Variants in SPESP1 observed in about 807,000 individuals in gnomAD.
SPESP1 encodes the protein sperm equatorial segment protein 1.
Under a neutral mutation model 3.1 loss-of-function variants are expected in SPESP1, and 1 was observed. That is an observed-to-expected ratio of 0.33 (90% confidence interval 0.12 to 1.54). The LOEUF (loss-of-function observed/expected upper bound fraction) is 1.54, where lower values mean the gene tolerates loss of function less well. SPESP1 is among the 40% of genes most tolerant of loss of function. SPESP1 has a pLI of 0.38. For missense variants in SPESP1, 398 were observed against 410.1 expected (o/e 0.97, Z 0.26); for synonymous variants, 138 against 150.7 (o/e 0.92, Z 0.62).
chr15:68,946,227 A>G lies in SPESP1; in HGVS notation c.693A>G (p.Leu231=). ...ATGATGACATTTTGAAAAAAATTTTAGATATTAATTCACAAGTGCAACAGG... is the reference window on the plus strand; with the variant it reads ...ATGATGACATTTTGAAAAAAATTTTGGATATTAATTCACAAGTGCAACAGG... ...WNNDDILKKI[L]DINSQVQQAL... is the part of the protein sequence containing the mutation. The change falls in exon 2 of 2, where the codon TTA becomes TTG. Residue 231 remains leucine (L), a synonymous_variant. Coordinates refer to ENST00000310673, the MANE Select transcript of SPESP1 (RefSeq NM_145658.4). 2 of 1,614,160 alleles carry G rather than the reference A, an allele frequency of 1.2e-6. No individual in the cohort carries two copies. Among genetic ancestry groups the G allele is most frequent in the Non-Finnish European group, 1.7e-6 (2 of 1,180,018 alleles).
intron 1 of SPESP1, among the ~76,000 whole-genome samples, chr15:68,943,645 G>T (rs1205308104): frequency 1.3e-5 from 2 of 151,976 alleles, no homozygotes; most frequent in African/African-American, 2.4e-5. Context: ...AGTTTTTGGG[G>T]GTTCATTTTG....
At chr15:68,935,336 C>T (rs1895656057) in intron 1 of SPESP1, among the ~76,000 whole-genome samples, 2 of 152,166 alleles carry the variant, frequency 1.3e-5, no homozygotes, top group African/African-American at 4.8e-5. Flanking sequence ...CTAGACTCAG[C>T]TGGGCAGCTC....
Position 68,945,917 on chromosome 15 carries a change from A to C in SPESP1, c.383A>C (p.Asn128Thr). 1 of 1,614,090 alleles carries C rather than the reference A, an allele frequency of 6.2e-7. No individual in the cohort carries two copies. The highest frequency in any genetic ancestry group is 8.5e-7 in the Non-Finnish European group (1 of 1,179,992). Residue 128 changes from asparagine to threonine, a missense_variant, in exon 2 of 2, where the codon AAT (asparagine) becomes ACT (threonine). Asn to Thr is a moderately conservative substitution (Grantham distance 65, BLOSUM62 0). Coordinates refer to ENST00000310673, the MANE Select transcript of SPESP1 (RefSeq NM_145658.4). ...CCATTCTGGTCGATCAAACCAAACAATGTTTCCATTGTTTTGCATGCAGAG... is the reference window on the plus strand; with the variant it reads ...CCATTCTGGTCGATCAAACCAAACACTGTTTCCATTGTTTTGCATGCAGAG... ...STPFWSIKPN[N>T]VSIVLHAEEP...
At chr15:68,936,999 A>G (rs1895698429) in intron 1 of SPESP1, among the ~76,000 whole-genome samples, 1 of 152,160 alleles carries the variant, frequency 6.6e-6, no homozygotes, top group Admixed American at 6.5e-5. Context: ...CTTTGCCTAA[A>G]ATAAAAGAAC....
chr15:68,933,230 G>A (rs1895596500), intron 1 of SPESP1, among the ~76,000 whole-genome samples: 2 of 152,152 alleles, frequency 1.3e-5, no homozygotes, highest in African/African-American at 4.8e-5. Context: ...AGTACTTCTT[G>A]TATCTGCCTA....
chr15:68,945,307 G>T (rs1328155569), intron 1 of SPESP1, among the ~76,000 whole-genome samples: 1 of 152,148 alleles, frequency 6.6e-6, no homozygotes, highest in African/African-American at 2.4e-5. Context: ...TTAATAAGTT[G>T]CCTGTTGAAT....
intron 1 of SPESP1, 125 bp from the exon 2 acceptor site, chr15:68,945,474 T>G: frequency 4.3e-6 from 3 of 693,962 alleles, no homozygotes; most frequent in Non-Finnish European, 6.5e-6. Flanking sequence ...GTGCTTTGCA[T>G]ATTGGTTCTT....
rs1455655887 is a variant in SPESP1, at chr15:68,946,154, C to T, written c.620C>T (p.Ala207Val). ...EDVPQLSGETAIEKPEEFGKH... is the reference protein window; with the variant it reads ...EDVPQLSGETVIEKPEEFGKH... ...GTTCCTCAGCTCTCAGGTGAAACTG[C>T]GATAGAAAAACCCGAAGAGTTTGGA... The change falls in exon 2 of 2, where the codon GCG becomes GTG. Residue 207 changes from alanine (A) to valine (V), a missense_variant. Ala to Val is a moderately conservative substitution (Grantham distance 64). Coordinates refer to ENST00000310673, the MANE Select transcript of SPESP1 (RefSeq NM_145658.4). The T allele has an allele frequency of 5.0e-6, 8 of 1,613,944 alleles. No homozygotes were observed. Among genetic ancestry groups the T allele is most frequent in the South Asian group, 3.3e-5 (3 of 91,072 alleles).
rs1317345598 is a variant in SPESP1 at position 68,930,727 on chromosome 15, G to C, written c.64+10G>C. ...GTGCCGGCTTATCCGAGTGAGTGAC[G>C]GGCCTGAGGAGGCAGCGGACCGGGG... On this transcript the variant is annotated intron_variant, in intron 1 of 1. Coordinates refer to ENST00000310673, the MANE Select transcript of SPESP1 (RefSeq NM_145658.4). 1 of 1,613,832 alleles carries C rather than the reference G, an allele frequency of 6.2e-7. No individual in the cohort carries two copies. Among genetic ancestry groups the C allele is most frequent in the Non-Finnish European group, 8.5e-7 (1 of 1,179,762 alleles).
At chr15:68,931,693 A>T (rs2140415690) in intron 1 of SPESP1, among the ~76,000 whole-genome samples, 1 of 152,288 alleles carries the variant, frequency 6.6e-6, no homozygotes, top group South Asian at 2.1e-4. Context: ...AAAGCTGAAA[A>T]CCAATAAGGT....
chr15:68,938,844 TCTTC>T (rs1895746984), intron 1 of SPESP1, among the ~76,000 whole-genome samples: 1 of 152,220 alleles, frequency 6.6e-6, no homozygotes, highest in Non-Finnish European at 1.5e-5. Flanking sequence ...TTTCTAAGTC[TCTTC>T]CTTTTCTTCT....
In SPESP1 at chr15:68,930,610, C is replaced by G. The variant is rs751639150; in HGVS notation, c.-44C>G. The G allele has an allele frequency of 6.2e-7, 1 of 1,612,672 alleles. No homozygotes were observed. Among genetic ancestry groups the G allele is most frequent in the South Asian group, 1.1e-5 (1 of 91,034 alleles). On this transcript the variant is annotated 5_prime_UTR_variant, in exon 1 of 2. Transcript: ENST00000310673. ...CCTTGAGGTTCCCAGCCTGGTGGCC[C>G]CAGGACGTTCCGGTCGCATGGCAGA...
rs1194259063 is a variant in SPESP1, at chr15:68,945,841, A to C, written c.307A>C (p.Thr103Pro). The change falls in exon 2 of 2, where the codon ACA becomes CCA. Residue 103 changes from threonine (T) to proline (P), a missense_variant. Physicochemically the swap from Thr to Pro is conservative, Grantham distance 38. Coordinates refer to ENST00000310673, the MANE Select transcript of SPESP1 (RefSeq NM_145658.4). Reference protein sequence around the residue: ...PISEETTTFPTGGFTPEIGKK... With the variant: ...PISEETTTFPPGGFTPEIGKK... ...CAGTGAAGAAACTACAACTTTCCCT[A>C]CAGGAGGCTTCACACCGGAAATAGG... The C allele has an allele frequency of 3.1e-6, 5 of 1,614,194 alleles. No individual in the cohort carries two copies. Among genetic ancestry groups the C allele is most frequent in the Non-Finnish European group, 4.2e-6 (5 of 1,180,030 alleles).
At chr15:68,942,180 T>C (rs1006333594) in intron 1 of SPESP1, among the ~76,000 whole-genome samples, 1 of 152,124 alleles carries the variant, frequency 6.6e-6, no homozygotes, top group Non-Finnish European at 1.5e-5. Flanking sequence ...TTTTTTTTTT[T>C]TGAGACGGAG....
rs149921814 is a variant in SPESP1 at position 68,941,051 on chromosome 15, G to C, written c.65-4548G>C. Among the ~76,000 whole-genome samples, 258 of 151,922 alleles carry C rather than the reference G, an allele frequency of 1.7e-3. 2 individuals are homozygous for C. Among genetic ancestry groups the C allele is most frequent in the African/African-American group, 5.8e-3 (239 of 41,468 alleles). On this transcript the variant is annotated intron_variant, in intron 1 of 1. Coordinates refer to ENST00000310673, the MANE Select transcript of SPESP1 (RefSeq NM_145658.4). ...CAATGCTATACTATTTTTCATAATA[G>C]AGGCTTTATAATATATTTAAATATT...
rs1895977253 is a variant in SPESP1, at chr15:68,946,608, A to C, written c.*21A>C. 1.4e-6 allele frequency: 2 copies of C among 1,424,138 alleles called. No homozygotes were observed. The highest frequency in any genetic ancestry group is 5.1e-5 in the East Asian group (2 of 39,226). The allele number at this position is 1,424,138 out of a possible 1,614,324, so 88.2% of individuals were successfully genotyped here. On this transcript the variant is annotated 3_prime_UTR_variant, in exon 2 of 2. Transcript: ENST00000310673. ...ATTAAACAATAATATAAAAATTTTA[A>C]ACCTACTTGATATTCCATAACAAAG... is the stretch of plus-strand genomic sequence containing the variant.
chr15:68,935,282 G>T (rs539271709), intron 1 of SPESP1, among the ~76,000 whole-genome samples: 31 of 152,244 alleles, frequency 2.0e-4, no homozygotes, highest in African/African-American at 7.0e-4. Flanking sequence ...TGGCAAAAAT[G>T]ACTGCTCCCC....
At chr15:68,937,522 T>A (rs1216683310) in intron 1 of SPESP1, among the ~76,000 whole-genome samples, 1 of 151,620 alleles carries the variant, frequency 6.6e-6, no homozygotes, top group Non-Finnish European at 1.5e-5. Context: ...AAAAACAGGA[T>A]CCATGTGTAG....
intron 1 of SPESP1, among the ~76,000 whole-genome samples, chr15:68,944,214 AATATCTTAAT>A (rs1794151677): frequency 6.6e-6 from 1 of 152,108 alleles, no homozygotes; most frequent in South Asian, 2.1e-4. Context: ...AGAATTCCAG[AATATCTTAAT>A]ATCTTACTAT....
Sources: allele counts gnomAD v4.1 joint callset (sites outside exome capture counted in the v4.1 genomes callset), GRCh38; gene constraint gnomAD v4.1.1; transcripts MANE v1.5; gene names NCBI Gene and HGNC (gene_info 2026-07-23, HGNC 2026-07-21).